Variants in CAPRIN2 observed in about 807,000 individuals in gnomAD.
CAPRIN2 encodes caprin family member 2.
CAPRIN2 carries 66 observed loss-of-function variants against 130.4 expected under a neutral mutation model. The ratio of observed to expected loss-of-function variants is 0.51; its 90% CI spans 0.42 to 0.62. The LOEUF (loss-of-function observed/expected upper bound fraction) is 0.62, where lower values mean the gene tolerates loss of function less well. CAPRIN2 is among the 20% of genes least tolerant of loss of function. CAPRIN2 has a pLI of 0.00. For missense variants in CAPRIN2, 1,185 were observed against 1,246.6 expected (o/e 0.95, Z 0.74); for synonymous variants, 471 against 444.1 (o/e 1.06, Z -0.76).
At chr12:30,713,219 C>T (rs1261890943) in intron 15 of CAPRIN2, among the ~76,000 whole-genome samples, 3 of 152,114 alleles carry the variant, frequency 2.0e-5, no homozygotes, top group Non-Finnish European at 4.4e-5. Flanking sequence ...GATTCAAATC[C>T]GTAAGTTCCC....
chr12:30,732,881 T>TAA (rs1771743132), intron 5 of CAPRIN2, among the ~76,000 whole-genome samples: 1 of 152,154 alleles, frequency 6.6e-6, no homozygotes, highest in Admixed American at 6.6e-5. Context: ...CTTAGCGTTA[T>TAA]AAGTGTATGC....
intron 4 of CAPRIN2, 89 bp downstream of exon 5, chr12:30,734,879 C>T (rs2064009473): frequency 1.4e-6 from 1 of 724,310 alleles, no homozygotes; most frequent in African/African-American, 2.0e-5. Context: ...CACACACACA[C>T]ACACACACTC....
intron 2 of CAPRIN2, among the ~76,000 whole-genome samples, chr12:30,744,397 G>A (rs1048927488): frequency 6.6e-6 from 1 of 152,080 alleles, no homozygotes; most frequent in African/African-American, 2.4e-5. Flanking sequence ...ATTTTCAAAT[G>A]GTGTACAAAG....
intron 3 of CAPRIN2, among the ~76,000 whole-genome samples, chr12:30,737,517 T>C (rs2065398106): frequency 6.6e-6 from 1 of 152,130 alleles, no homozygotes; most frequent in Admixed American, 6.5e-5. Flanking sequence ...GTGGGTTACA[T>C]TGTTCTCTTT....
At chr12:30,724,266 C>T (rs1004176591) in intron 10 of CAPRIN2, 104 bp downstream of exon 11, 1 of 729,980 alleles carries the variant, frequency 1.4e-6, no homozygotes, top group African/African-American at 1.8e-5. Context: ...AATTAATACA[C>T]CAACATATTA....
At chr12:30,727,693 C>T (rs916398511) in intron 8 of CAPRIN2, among the ~76,000 whole-genome samples, 7 of 152,180 alleles carry the variant, frequency 4.6e-5, no homozygotes, top group African/African-American at 1.7e-4. Flanking sequence ...GTTATTTATC[C>T]TTAAAAGAAT....
exon 1 of CAPRIN2, chr12:30,754,400 A>AC (rs1366963356): frequency 6.6e-6 from 1 of 151,980 alleles, no homozygotes; most frequent in Non-Finnish European, 1.5e-5. Context: ...GCATCCCCAA[A>AC]CCAAGGACAG....
intron 6 of CAPRIN2, among the ~76,000 whole-genome samples, chr12:30,731,062 A>G (rs1027768258): frequency 1.3e-5 from 2 of 152,230 alleles, no homozygotes; most frequent in African/African-American, 4.8e-5. Flanking sequence ...CTAGTAGTTT[A>G]ACAGAGAAGT....
At chr12:30,739,376 G>C (rs1156780788) in intron 3 of CAPRIN2, among the ~76,000 whole-genome samples, 1 of 152,118 alleles carries the variant, frequency 6.6e-6, no homozygotes, top group African/African-American at 2.4e-5. Context: ...CACATAAGAG[G>C]GGAACAATAC....
At chr12:30,718,314 C>A (rs2352217) in intron 12 of CAPRIN2, among the ~76,000 whole-genome samples, 98,550 of 152,076 alleles carry the variant, frequency 0.65, 33,293 homozygotes, top group African/African-American at 0.84. Flanking sequence ...TCTAAGTGAT[C>A]AGGTGAGTGA....
chr12:30,720,087 T>C (rs2114901), intron 12 of CAPRIN2: 150,839 of 152,326 alleles, frequency 0.99, 74,691 homozygotes, highest in Middle Eastern at 1. Flanking sequence ...TGTTAAAATG[T>C]TTTTATTTAT....
At chr12:30,711,413 C>T (rs12372023) in intron 16 of CAPRIN2, among the ~76,000 whole-genome samples, 153 bp downstream of exon 18, 33,843 of 152,052 alleles carry the variant, frequency 0.22, 3,994 homozygotes, top group Middle Eastern at 0.3. Flanking sequence ...CTAGTATCTC[C>T]CTTAGTACTT....
chr12:30,750,688 TCA>T (rs1372744918), intron 2 of CAPRIN2, among the ~76,000 whole-genome samples: 15 of 152,264 alleles, frequency 9.9e-5, no homozygotes, highest in Admixed American at 4.6e-4. Context: ...AAATATTCTT[TCA>T]CATTCTGGAG....
chr12:30,732,433 A>G (rs1304595027), intron 5 of CAPRIN2, among the ~76,000 whole-genome samples: 1 of 152,018 alleles, frequency 6.6e-6, no homozygotes, highest in African/African-American at 2.4e-5. Context: ...ATTTACAGGC[A>G]AAATCCTCCT....
Position 30,734,030 on chromosome 12 carries a change from A to C in CAPRIN2, c.810-319T>G, listed in dbSNP as rs974873608. On this transcript the variant is annotated intron_variant, in intron 4 of 16. Coordinates refer to ENST00000298892, the Ensembl canonical transcript of CAPRIN2. The stretch of plus-strand genomic sequence containing the variant: ...TCAGGTGTATGCCCTACATAAAAGA[A>C]CAGTGAAATTGAAATATTAAGAGCC... Among the ~76,000 whole-genome samples, 6 of 152,344 alleles carry C rather than the reference A, an allele frequency of 3.9e-5. No homozygotes were observed. In the South Asian group the frequency reaches 1.2e-3, roughly 32 times the overall value.
chr12:30,737,368 A>G (rs530548287), intron 3 of CAPRIN2, among the ~76,000 whole-genome samples: 31 of 152,264 alleles, frequency 2.0e-4, no homozygotes, highest in African/African-American at 7.2e-4. Flanking sequence ...CGCCCAGCAC[A>G]GAGTCTGACA....
intron 3 of CAPRIN2, among the ~76,000 whole-genome samples, chr12:30,737,689 C>G (rs1311965307): frequency 6.6e-6 from 1 of 151,290 alleles, no homozygotes; most frequent in African/African-American, 2.4e-5. Context: ...GCTCTGCCTC[C>G]CGGGTTCACG....
At position 30,710,221 on chromosome 12, in the gene CAPRIN2, A is replaced by T; in HGVS notation, c.2915T>A (p.Leu972His). ...AAAAGTTTCTCCTAAGTTGTTCAGAAGAAGATCAAACACAATAGGTTGGTC... is the reference window on the plus strand; with the variant it reads ...AAAAGTTTCTCCTAAGTTGTTCAGATGAAGATCAAACACAATAGGTTGGTC... The change falls in exon 17 of 17, where the codon CTT becomes CAT. Residue 972 changes from leucine (L) to histidine (H), a missense_variant. Transcript: ENST00000298892. The surrounding 1 kb of genome is among the most constrained non-coding windows in gnomAD (Gnocchi z 4.8). The T allele has an allele frequency of 6.2e-7, 1 of 1,614,226 alleles. No homozygotes were observed. Among genetic ancestry groups the T allele is most frequent in the Non-Finnish European group, 8.5e-7 (1 of 1,180,036 alleles).
At chr12:30,735,205 A>G in exon 4 of CAPRIN2, 1 of 1,611,842 alleles carries the variant, frequency 6.2e-7, no homozygotes, top group Middle Eastern at 1.7e-4. Flanking sequence ...CGCTTTTAGT[A>G]GCTGTTAAAA....
Sources: allele counts gnomAD v4.1 joint callset (sites outside exome capture counted in the v4.1 genomes callset), GRCh38; gene constraint gnomAD v4.1.1; non-coding constraint Gnocchi (gnomAD v3.1); transcripts MANE v1.5; gene names NCBI Gene and HGNC (gene_info 2026-07-23, HGNC 2026-07-21).